MAPKAP1: variants seen among roughly 807,000 people sequenced by gnomAD.
MAPKAP1 encodes target of rapamycin complex 2 subunit MAPKAP1.
Under a neutral mutation model 65.7 loss-of-function variants are expected in MAPKAP1, and 20 were observed. The ratio of observed to expected loss-of-function variants is 0.30; its 90% CI spans 0.21 to 0.44. MAPKAP1 has a LOEUF of 0.44. Ranked by LOEUF, MAPKAP1 falls within the 20% of genes least tolerant of loss-of-function variation. The pLI, the probability that MAPKAP1 is intolerant of heterozygous loss-of-function variation, is 1.00. For missense variants in MAPKAP1, 423 were observed against 648.0 expected (o/e 0.65, Z 3.77); for synonymous variants, 222 against 244.3 (o/e 0.91, Z 0.85).
At chr9:125,529,145 G>A (rs1829861595) in intron 7 of MAPKAP1, among the ~76,000 whole-genome samples, 1 of 141,994 alleles carries the variant, frequency 7.0e-6, no homozygotes, top group Non-Finnish European at 1.5e-5. Context: ...TTGCACTCCA[G>A]CCTGGGCAAA....
At chr9:125,463,175 T>G (rs1853561370) in intron 10 of MAPKAP1, among the ~76,000 whole-genome samples, 1 of 152,252 alleles carries the variant, frequency 6.6e-6, no homozygotes, top group African/African-American at 2.4e-5. Context: ...ATTACCGCGT[T>G]AACATTCTCT....
chr9:125,598,388 G>C (rs1020160051), intron 4 of MAPKAP1, among the ~76,000 whole-genome samples: 22 of 152,140 alleles, frequency 1.4e-4, no homozygotes, highest in African/African-American at 5.3e-4. Flanking sequence ...TGTATTTTCT[G>C]ACAAGTTAAG....
intron 4 of MAPKAP1, among the ~76,000 whole-genome samples, chr9:125,602,392 C>G (rs896671952): frequency 6.6e-6 from 1 of 152,208 alleles, no homozygotes; most frequent in African/African-American, 2.4e-5. Flanking sequence ...CCCAAAAAGT[C>G]TGATTATCGG....
chr9:125,474,000 G>C (rs1421798128), intron 9 of MAPKAP1, among the ~76,000 whole-genome samples: 1 of 152,202 alleles, frequency 6.6e-6, no homozygotes, highest in Non-Finnish European at 1.5e-5. Context: ...TTGGAATTGT[G>C]CCTGATACAT....
chr9:125,669,550 A>G (rs1375199779), intron 3 of MAPKAP1, among the ~76,000 whole-genome samples: 2 of 152,110 alleles, frequency 1.3e-5, no homozygotes, highest in Admixed American at 1.3e-4. Context: ...AAAAAATCAG[A>G]AAAAAATACT....
intron 7 of MAPKAP1, among the ~76,000 whole-genome samples, chr9:125,514,136 G>C (rs552678905): frequency 6.6e-6 from 1 of 152,212 alleles, no homozygotes; most frequent in Non-Finnish European, 1.5e-5. Flanking sequence ...GTGCCTCCTG[G>C]CTTCTGCACG....
At chr9:125,602,848 A>G (rs979337264) in intron 4 of MAPKAP1, among the ~76,000 whole-genome samples, 1 of 152,154 alleles carries the variant, frequency 6.6e-6, no homozygotes, top group Admixed American at 6.5e-5. Context: ...ACAGGGCAAG[A>G]CCCTGTCTCA....
intron 4 of MAPKAP1, among the ~76,000 whole-genome samples, chr9:125,593,411 T>A (rs1463350361): frequency 6.6e-6 from 1 of 151,752 alleles, no homozygotes; most frequent in Non-Finnish European, 1.5e-5. Flanking sequence ...CCTGTAATCC[T>A]AGCACTTTGG....
At chr9:125,507,457 A>G (rs1315426038) in intron 7 of MAPKAP1, among the ~76,000 whole-genome samples, 8 of 152,200 alleles carry the variant, frequency 5.3e-5, no homozygotes, top group Admixed American at 5.2e-4. Flanking sequence ...GTATTTTTAG[A>G]TATGTTCTTC....
In MAPKAP1 at chr9:125,511,858, A is replaced by G. The variant is rs1187451733; in HGVS notation, c.959-5441T>C. ...CAGCAGAGAGGAACACAAAAGGAAG[A>G]TTCTGGGAAGCAGTTACTCTGCAGC... is the stretch of plus-strand genomic sequence containing the variant. On this transcript the variant is annotated intron_variant, in intron 7 of 11. Coordinates refer to ENST00000265960, the MANE Select transcript of MAPKAP1 (RefSeq NM_001006617.3). Among the ~76,000 whole-genome samples the G allele has an allele frequency of 2.0e-5, 3 of 152,224 alleles. No homozygotes were observed. The East Asian group carries it at 5.8e-4, about 29-fold the overall frequency.
chr9:125,512,441 G>C (rs1829328566), intron 7 of MAPKAP1, among the ~76,000 whole-genome samples: 1 of 152,176 alleles, frequency 6.6e-6, no homozygotes. Context: ...AGGAAGCTCA[G>C]CACTAAATGT....
chr9:125,678,991 C>A (rs1392031909), intron 1 of MAPKAP1, among the ~76,000 whole-genome samples: 1 of 124,048 alleles, frequency 8.1e-6, no homozygotes, highest in African/African-American at 3.0e-5. Flanking sequence ...TTACAATAGT[C>A]ATAATAAACA....
At chr9:125,548,936 A>T (rs1317179155) in intron 6 of MAPKAP1, among the ~76,000 whole-genome samples, 5 of 152,230 alleles carry the variant, frequency 3.3e-5, no homozygotes, top group African/African-American at 7.2e-5. Flanking sequence ...CATATAACTA[A>T]TAAGTCCTGA....
intron 4 of MAPKAP1, among the ~76,000 whole-genome samples, chr9:125,612,730 A>C (rs1185896103): frequency 6.6e-6 from 1 of 152,230 alleles, no homozygotes; most frequent in Non-Finnish European, 1.5e-5. Flanking sequence ...GACACAGCAG[A>C]AGTACCACTA....
chr9:125,553,713 C>G (rs552721099), intron 6 of MAPKAP1, among the ~76,000 whole-genome samples: 1 of 152,260 alleles, frequency 6.6e-6, no homozygotes, highest in East Asian at 1.9e-4. Context: ...GGCCAATAGC[C>G]TAAATATTTA....
At chr9:125,503,512 G>A (rs1477053088) in intron 8 of MAPKAP1, among the ~76,000 whole-genome samples, 2 of 152,140 alleles carry the variant, frequency 1.3e-5, no homozygotes, top group Non-Finnish European at 2.9e-5. Context: ...AGCTTTTTAA[G>A]TTACCTTCAG....
In MAPKAP1 at chr9:125,595,587, T is replaced by C; in HGVS notation, c.499-9860A>G. ...CAAAATAATCTTGAATTAAGAAATA[T>C]CATGCTATGTTTGTCAGCTTACTCC... On this transcript the variant is annotated intron_variant, in intron 4 of 11. Coordinates refer to ENST00000265960, the MANE Select transcript of MAPKAP1 (RefSeq NM_001006617.3). This position sits in a 1 kb window ranked among gnomAD's most constrained non-coding sequence, Gnocchi z 4.0. 2 of 1,284,230 alleles carry C rather than the reference T, an allele frequency of 1.6e-6. No individual in the cohort carries two copies. The highest frequency in any genetic ancestry group is 2.0e-6 in the Non-Finnish European group (2 of 1,010,042). 79.6% of individuals were successfully genotyped at this position (1,284,230 alleles called of 1,614,324 possible). A position where few individuals can be genotyped will look rare whatever the true frequency, so the allele number is the denominator to read the frequency against.
intron 4 of MAPKAP1, among the ~76,000 whole-genome samples, chr9:125,609,154 A>AT (rs1224407510): frequency 6.6e-6 from 1 of 152,160 alleles, no homozygotes; most frequent in Non-Finnish European, 1.5e-5. Context: ...CAACTGTGTC[A>AT]TTTTTTAATT....
At chr9:125,658,047 A>C (rs1834082329) in intron 3 of MAPKAP1, among the ~76,000 whole-genome samples, 1 of 152,178 alleles carries the variant, frequency 6.6e-6, no homozygotes, top group Non-Finnish European at 1.5e-5. Context: ...ACAAAGTAAC[A>C]AAGGAGCCAT....
Sources: gnomAD v4.1 joint callset for allele counts (sites outside exome capture counted in the v4.1 genomes callset) on GRCh38, gnomAD v4.1.1 for gene constraint, Gnocchi (gnomAD v3.1) non-coding constraint, MANE v1.5 for transcripts, NCBI Gene and HGNC (gene_info 2026-07-23, HGNC 2026-07-21) for gene names.